Variants in PBRM1 observed in about 807,000 individuals in gnomAD.
PBRM1 encodes polybromo 1.
PBRM1 carries 27 observed loss-of-function variants against 194.5 expected under a neutral mutation model. The observed-to-expected ratio is 0.14, with a 90% confidence interval of 0.10 to 0.19. PBRM1 has a LOEUF of 0.19. Among genes scored for constraint, PBRM1 ranks in the 10% least tolerant of loss-of-function variants. PBRM1 has a pLI of 1.00. For synonymous variants in PBRM1, 655 were observed against 693.2 expected (o/e 0.94, Z 0.87); for missense variants, 1,466 against 2,077.2 (o/e 0.71, Z 5.72).
At chr3:52,579,189 T>A (rs200632871) in exon 21 of PBRM1, 88 of 1,613,794 alleles carry the variant, frequency 5.5e-5, no homozygotes, top group Non-Finnish European at 6.9e-5. Flanking sequence ...CACAGGGACA[T>A]CTTCTTTTTC....
intron 7 of PBRM1, among the ~76,000 whole-genome samples, chr3:52,647,636 T>G (rs2096360006): frequency 6.6e-6 from 1 of 151,798 alleles, no homozygotes; most frequent in South Asian, 2.1e-4. Context: ...TAGTAGAATA[T>G]TATTCCGCAA....
Position 52,554,887 on chromosome 3 carries a change from G to A in PBRM1, c.4454-8C>T. The A allele has an allele frequency of 4.4e-6, 7 of 1,605,292 alleles. No individual in the cohort carries two copies. The highest frequency in any genetic ancestry group is 5.9e-6 in the Non-Finnish European group (7 of 1,177,132). On this transcript the variant is annotated splice_region_variant and splice_polypyrimidine_tract_variant and intron_variant, in intron 26 of 29. Coordinates refer to ENST00000296302, the Ensembl canonical transcript of PBRM1. The stretch of plus-strand genomic sequence containing the variant: ...GATAGCCACCCATCATGCCTTGAAG[G>A]ACACAACAAATTTCAGACATGCATC...
At chr3:52,647,881 C>T (rs1177294070) in intron 7 of PBRM1, among the ~76,000 whole-genome samples, 1 of 151,838 alleles carries the variant, frequency 6.6e-6, no homozygotes, top group African/African-American at 2.4e-5. Flanking sequence ...GGCTGCCCAA[C>T]TCCATGAATA....
At chr3:52,657,721 T>TG (rs1200591747) in intron 5 of PBRM1, among the ~76,000 whole-genome samples, 1 of 151,596 alleles carries the variant, frequency 6.6e-6, no homozygotes, top group African/African-American at 2.4e-5. Context: ...CTGCCTGTCT[T>TG]GGCCTCCCAA....
At chr3:52,549,937 G>C (rs1259376182) in intron 29 of PBRM1, among the ~76,000 whole-genome samples, 2 of 150,288 alleles carry the variant, frequency 1.3e-5, no homozygotes, top group Non-Finnish European at 3.0e-5. Flanking sequence ...CCATTTTCAG[G>C]CCAGGCACAG....
At chr3:52,673,564 C>T (rs181022056) in intron 2 of PBRM1, among the ~76,000 whole-genome samples, 198 of 143,100 alleles carry the variant, frequency 1.4e-3, no homozygotes, top group African/African-American at 4.5e-3. Context: ...CCCAGCTACT[C>T]GGGAGGCTGA....
At chr3:52,650,252 A>G (rs1422213105) in intron 6 of PBRM1, among the ~76,000 whole-genome samples, 1 of 151,038 alleles carries the variant, frequency 6.6e-6, no homozygotes, top group Non-Finnish European at 1.5e-5. Flanking sequence ...AATCCCAGCT[A>G]CTCGGGAGGC....
At chr3:52,555,312 G>C (rs756708709) in intron 26 of PBRM1, among the ~76,000 whole-genome samples, 16 of 152,166 alleles carry the variant, frequency 1.1e-4, no homozygotes, top group Admixed American at 3.3e-4. Flanking sequence ...GTACACATGA[G>C]GGGAAATAGG....
chr3:52,552,962 G>C (rs1164534658), intron 27 of PBRM1, among the ~76,000 whole-genome samples: 1 of 152,180 alleles, frequency 6.6e-6, no homozygotes, highest in African/African-American at 2.4e-5. Flanking sequence ...TGCTTCTGTG[G>C]AATTATGGCC....
chr3:52,594,020 G>A (rs1476464655), intron 17 of PBRM1, among the ~76,000 whole-genome samples: 1 of 152,192 alleles, frequency 6.6e-6, no homozygotes, highest in Non-Finnish European at 1.5e-5. Flanking sequence ...AGTACCGTCA[G>A]TTGGGTATTA....
In PBRM1 at chr3:52,651,905, C is replaced by A. The variant is rs2096503985; in HGVS notation, c.646-95G>T. On this transcript the variant is annotated intron_variant, in intron 5 of 29. Coordinates refer to ENST00000296302, the Ensembl canonical transcript of PBRM1. ...ATTGACAATCTGTTGTTCAAACAAC[C>A]AGTGAAGCAGCTTTGTGAGATTCAA... The A allele has an allele frequency of 4.0e-6, 3 of 752,832 alleles. No homozygotes were observed. In the East Asian group the frequency reaches 7.7e-5, roughly 19 times the overall value. 46.6% of individuals were successfully genotyped at this position (752,832 alleles called of 1,614,324 possible).
At chr3:52,570,103 C>T (rs1451707643) in intron 22 of PBRM1, among the ~76,000 whole-genome samples, 1 of 152,214 alleles carries the variant, frequency 6.6e-6, no homozygotes, top group Non-Finnish European at 1.5e-5. Context: ...TCCCCAGTAG[C>T]TGGGATTAAA....
intron 2 of PBRM1, 42 bp from the exon 4 acceptor site, chr3:52,668,687 C>G: frequency 8.0e-7 from 1 of 1,254,522 alleles, no homozygotes; most frequent in Non-Finnish European, 1.1e-6. Flanking sequence ...TAATCTGAAG[C>G]TTACAAAAAG....
chr3:52,664,395 A>C (rs1231147779), intron 3 of PBRM1, among the ~76,000 whole-genome samples: 2 of 149,708 alleles, frequency 1.3e-5, no homozygotes, highest in Non-Finnish European at 3.0e-5. Flanking sequence ...GATTTCACCA[A>C]GAAAATTGAA....
chr3:52,631,907 G>C (rs1055976070), intron 11 of PBRM1, among the ~76,000 whole-genome samples: 1 of 152,176 alleles, frequency 6.6e-6, no homozygotes, highest in Non-Finnish European at 1.5e-5. Flanking sequence ...TTCAAAGATG[G>C]AAGGCAAACC....
chr3:52,590,332 T>G (rs995463728), intron 17 of PBRM1, among the ~76,000 whole-genome samples: 5 of 152,096 alleles, frequency 3.3e-5, no homozygotes, highest in African/African-American at 9.6e-5. Context: ...GGCAGGTGCC[T>G]GTAGTCCCAG....
At chr3:52,659,956 T>C (rs1265784287) in intron 4 of PBRM1, among the ~76,000 whole-genome samples, 2 of 152,152 alleles carry the variant, frequency 1.3e-5, no homozygotes, top group Admixed American at 6.5e-5. Context: ...GCTGGTGTGG[T>C]GACAGGCATC....
At chr3:52,571,975 C>T (rs904826484) in intron 22 of PBRM1, among the ~76,000 whole-genome samples, 1 of 149,758 alleles carries the variant, frequency 6.7e-6, no homozygotes, top group Non-Finnish European at 1.5e-5. Context: ...GAGTTGGAGG[C>T]TGCAGTGAGT....
At chr3:52,558,218 G>A (rs2082644525) in intron 26 of PBRM1, 31 bp downstream of exon 28, 3 of 1,453,548 alleles carry the variant, frequency 2.1e-6, no homozygotes, top group Non-Finnish European at 2.8e-6. Context: ...TTCTTAAAGT[G>A]GAAAAAAATG....
Sources: gnomAD v4.1 joint callset for allele counts (sites outside exome capture counted in the v4.1 genomes callset) on GRCh38, gnomAD v4.1.1 for gene constraint, MANE v1.5 for transcripts, NCBI Gene and HGNC (gene_info 2026-07-23, HGNC 2026-07-21) for gene names.